The following SHLD1 variants were observed in gnomAD, a reference collection of about 807,000 sequenced individuals.
SHLD1 encodes the protein shieldin complex subunit 1.
A neutral mutation model predicts 5.5 loss-of-function variants in SHLD1; 3 were observed. The observed-to-expected ratio is 0.54, with a 90% CI of 0.25 to 1.40. SHLD1 has a LOEUF of 1.40. Ranked by LOEUF, SHLD1 falls within the 40% of genes most tolerant of loss-of-function variation. The probability of loss-of-function intolerance (pLI) is 0.15; values close to 1 mark genes in which losing one functional copy is unlikely to be tolerated. For synonymous variants in SHLD1, 92 were observed against 94.3 expected (o/e 0.98, Z 0.14); for missense variants, 210 against 244.4 (o/e 0.86, Z 0.94).
intron 2 of SHLD1, among the ~76,000 whole-genome samples, chr20:5,822,484 A>G (rs1436791678): frequency 6.6e-6 from 1 of 151,454 alleles, no homozygotes. Context: ...TTAAAAATAA[A>G]TAAATGAATA....
At chr20:5,756,689 CTTTTT>C (rs35462391) in intron 1 of SHLD1, 19 of 80,346 alleles carry the variant, frequency 2.4e-4, no homozygotes, top group South Asian at 5.9e-4. Flanking sequence ...TTCTTTCTTT[CTTTTT>C]TTTTTTTTTT....
chr20:5,853,021 A>G (rs1217323154), intron 2 of SHLD1, among the ~76,000 whole-genome samples: 1 of 152,214 alleles, frequency 6.6e-6, no homozygotes, highest in Non-Finnish European at 1.5e-5. Context: ...CATACAGGAA[A>G]GAGGTCTATT....
intron 1 of SHLD1, among the ~76,000 whole-genome samples, chr20:5,768,235 A>G (rs1266140574): frequency 6.6e-6 from 1 of 152,086 alleles, no homozygotes; most frequent in East Asian, 1.9e-4. Flanking sequence ...TGGCCTCCCA[A>G]AGTGCTGGGA....
chr20:5,760,653 A>G (rs1001211084), intron 1 of SHLD1, among the ~76,000 whole-genome samples: 1 of 151,974 alleles, frequency 6.6e-6, no homozygotes, highest in Non-Finnish European at 1.5e-5. Flanking sequence ...AGATCATGCC[A>G]CTGCACTCCA....
rs2087428040 is a variant in SHLD1, at chr20:5,809,491, T to G, written c.178+36448T>G. Among the ~76,000 whole-genome samples the G allele has an allele frequency of 2.0e-5, 3 of 152,050 alleles. No homozygotes were observed. The South Asian group carries it at 6.2e-4, about 31-fold the overall frequency. On this transcript the variant is annotated intron_variant, in intron 2 of 2. Coordinates refer to ENST00000303142, the MANE Select transcript of SHLD1 (RefSeq NM_152504.4). ...TCCCCAGTTCTGTAGTCCAGCTTGC[T>G]CCAGAGGTTATTGTCACTCTGCCAC...
chr20:5,822,905 G>A (rs551676980), intron 2 of SHLD1, among the ~76,000 whole-genome samples: 67 of 151,952 alleles, frequency 4.4e-4, no homozygotes, highest in African/African-American at 1.5e-3. Flanking sequence ...TATGAAAGAT[G>A]TGTCTTATTT....
At chr20:5,759,989 TACACAC>T (rs74281801) in intron 1 of SHLD1, among the ~76,000 whole-genome samples, 3 of 150,442 alleles carry the variant, frequency 2.0e-5, no homozygotes, top group Admixed American at 6.7e-5. Flanking sequence ...TGTATTTTTA[TACACAC>T]ACACACACAC....
At position 5,768,362 on chromosome 20, in the gene SHLD1, G is replaced by T. The variant is rs114470954; in HGVS notation, c.-4-4500G>T. On this transcript the variant is annotated intron_variant, in intron 1 of 2. Transcript: ENST00000303142. ...CTTCCTGAGTGCACACTTTCCCCTA[G>T]CCATGGCTGGCCTGCCCCACGCTTG... is the stretch of plus-strand genomic sequence containing the variant. Among the ~76,000 whole-genome samples, 1,222 of 152,332 alleles carry T rather than the reference G, an allele frequency of 8.0e-3. 19 individuals carry two copies. The highest frequency in any genetic ancestry group is 0.028 in the African/African-American group (1,164 of 41,574).
intron 2 of SHLD1, among the ~76,000 whole-genome samples, chr20:5,844,799 A>ATATATATATATTT (rs1460082835): frequency 1.4e-5 from 1 of 71,692 alleles, no homozygotes; most frequent in African/African-American, 4.2e-5. Context: ...ATATATATAT[A>ATATATATATATTT]TTTTTTTTTT....
chr20:5,800,351 G>A (rs2087274642), intron 2 of SHLD1, among the ~76,000 whole-genome samples: 1 of 152,150 alleles, frequency 6.6e-6, no homozygotes, highest in African/African-American at 2.4e-5. Context: ...TTCAAATTGT[G>A]AGATTTCTTT....
rs1023868548 is a variant in SHLD1, at chr20:5,806,381, C to T, written c.178+33338C>T. Among the ~76,000 whole-genome samples the T allele has an allele frequency of 1.1e-4, 16 of 152,184 alleles. No homozygotes were observed. The South Asian group carries it at 1.2e-3, about 12-fold the overall frequency. ...AAAACTAGAACATTTGCTTATCTCCCGTCCCTCTATCACTTACCCCATCCT... is the reference window on the plus strand; with the variant it reads ...AAAACTAGAACATTTGCTTATCTCCTGTCCCTCTATCACTTACCCCATCCT... On this transcript the variant is annotated intron_variant, in intron 2 of 2. Transcript: ENST00000303142. This position sits in a 1 kb window ranked among gnomAD's most constrained non-coding sequence, Gnocchi z 7.6.
chr20:5,811,690 A>T (rs2087459982), intron 2 of SHLD1, among the ~76,000 whole-genome samples: 1 of 152,098 alleles, frequency 6.6e-6, no homozygotes, highest in Non-Finnish European at 1.5e-5. Flanking sequence ...CTGTGTCTCT[A>T]CAAAAAAATT....
chr20:5,830,192 C>T (rs1425242086), intron 2 of SHLD1, among the ~76,000 whole-genome samples: 2 of 152,200 alleles, frequency 1.3e-5, no homozygotes, highest in Non-Finnish European at 2.9e-5. Flanking sequence ...CACAGCAACA[C>T]TCATAACGGC....
chr20:5,777,184 T>C (rs1467485850), intron 2 of SHLD1, among the ~76,000 whole-genome samples: 1 of 152,154 alleles, frequency 6.6e-6, no homozygotes, highest in African/African-American at 2.4e-5. Context: ...AGATGAGGTT[T>C]CACCATGTTG....
chr20:5,767,589 A>G (rs80150377), intron 1 of SHLD1, among the ~76,000 whole-genome samples: 1,883 of 152,246 alleles, frequency 0.012, 43 homozygotes, highest in African/African-American at 0.043. Flanking sequence ...ATTCTTGTTC[A>G]TGAGATTGCC....
intron 2 of SHLD1, among the ~76,000 whole-genome samples, chr20:5,851,494 T>TAAAAAAA (rs557612044): frequency 7.5e-6 from 1 of 133,328 alleles, no homozygotes. Context: ...CCTGTCTCCT[T>TAAAAAAA]AAAAAAAAAA....
intron 2 of SHLD1, among the ~76,000 whole-genome samples, chr20:5,838,194 C>T (rs942968620): frequency 2.0e-5 from 3 of 152,108 alleles, no homozygotes; most frequent in African/African-American, 7.2e-5. Flanking sequence ...CATGTGTGTG[C>T]CTGAGACTTA....
At chr20:5,812,799 C>A (rs1403339477) in intron 2 of SHLD1, among the ~76,000 whole-genome samples, 1 of 152,168 alleles carries the variant, frequency 6.6e-6, no homozygotes. Flanking sequence ...GCTGCAGACC[C>A]TGTTCCTAGG....
intron 2 of SHLD1, among the ~76,000 whole-genome samples, chr20:5,856,439 A>G (rs1034077199): frequency 6.6e-6 from 1 of 152,202 alleles, no homozygotes; most frequent in Non-Finnish European, 1.5e-5. Flanking sequence ...CCTTTCCTCC[A>G]TGGAGCATGG....
Sources: allele counts gnomAD v4.1 joint callset (sites outside exome capture counted in the v4.1 genomes callset), GRCh38; gene constraint gnomAD v4.1.1; non-coding constraint Gnocchi (gnomAD v3.1); transcripts MANE v1.5; gene names NCBI Gene and HGNC (gene_info 2026-07-23, HGNC 2026-07-21).